The following AGFG1 variants were observed in gnomAD, a reference collection of about 807,000 sequenced individuals.
The protein encoded by AGFG1 is arf-GAP domain and FG repeat-containing protein 1.
A neutral mutation model predicts 60.6 loss-of-function variants in AGFG1; 10 were observed. The ratio of observed to expected loss-of-function variants is 0.16; its 90% CI spans 0.10 to 0.28. The LOEUF is 0.28. Among genes scored for constraint, AGFG1 ranks in the 10% least tolerant of loss-of-function variants. The pLI is 1.00. For missense variants in AGFG1, 537 were observed against 676.5 expected (o/e 0.79, Z 2.29); for synonymous variants, 247 against 242.9 (o/e 1.02, Z -0.16).
intron 1 of AGFG1, among the ~76,000 whole-genome samples, chr2:227,475,441 G>A (rs941456641): frequency 3.3e-5 from 5 of 152,210 alleles, no homozygotes; most frequent in Admixed American, 1.3e-4. Context: ...AGGGAATGAA[G>A]ACTAGAGTGG....
chr2:227,483,371 A>G (rs1320577710), intron 1 of AGFG1, among the ~76,000 whole-genome samples: 1 of 152,186 alleles, frequency 6.6e-6, no homozygotes, highest in Non-Finnish European at 1.5e-5. Flanking sequence ...ATTTCTTGAC[A>G]TACGTTATAA....
intron 1 of AGFG1, among the ~76,000 whole-genome samples, chr2:227,477,960 C>T (rs1194109649): frequency 1.3e-5 from 2 of 151,948 alleles, no homozygotes; most frequent in Non-Finnish European, 2.9e-5. Flanking sequence ...ATGGCTGTGT[C>T]ATGCTTTTTA....
intron 1 of AGFG1, among the ~76,000 whole-genome samples, chr2:227,482,848 C>T (rs1244558215): frequency 6.6e-6 from 1 of 152,166 alleles, no homozygotes; most frequent in Non-Finnish European, 1.5e-5. Context: ...ACTAAATCTC[C>T]TGGGGATCTG....
At chr2:227,501,966 C>T (rs1691170432) in intron 2 of AGFG1, among the ~76,000 whole-genome samples, 1 of 152,120 alleles carries the variant, frequency 6.6e-6, no homozygotes, top group South Asian at 2.1e-4. Context: ...TTAAGCAGTT[C>T]TCCCACCTTA....
rs1172179823 is a variant in AGFG1 at position 227,557,553 on chromosome 2, T to C, written c.*3058T>C. On this transcript the variant is annotated 3_prime_UTR_variant, in exon 13 of 13. Transcript: ENST00000310078. ...GATGTAGCTTGTATCTCTGAGAATT[T>C]ATTGTATTAAAATTAATACTGAGAT... The C allele has an allele frequency of 6.6e-6, 1 of 151,816 alleles. No individual in the cohort carries two copies. Among genetic ancestry groups the C allele is most frequent in the Admixed American group, 6.6e-5 (1 of 15,190 alleles). The allele number at this position is 151,816 out of a possible 1,614,324, so 9.4% of individuals were successfully genotyped here.
rs1692177796 is a variant in AGFG1, at chr2:227,532,027, T to G, written c.814+817T>G. 5 of 796,924 alleles carry G rather than the reference T, an allele frequency of 6.3e-6. No individual in the cohort carries two copies. In the South Asian group the frequency reaches 6.4e-5, roughly 10 times the overall value. 49.4% of individuals were successfully genotyped at this position (796,924 alleles called of 1,614,324 possible). A position where few individuals can be genotyped will look rare whatever the true frequency, so the allele number is the denominator to read the frequency against. On this transcript the variant is annotated intron_variant, in intron 6 of 12. Transcript: ENST00000310078. ...ACCCTTATTTAGATTTTTGGCTGATTACTTTTCTTTCAACTTTTAACTCTG... is the reference window on the plus strand; with the variant it reads ...ACCCTTATTTAGATTTTTGGCTGATGACTTTTCTTTCAACTTTTAACTCTG...
intron 2 of AGFG1, among the ~76,000 whole-genome samples, chr2:227,501,797 T>C (rs764184176): frequency 2.6e-5 from 4 of 152,234 alleles, no homozygotes; most frequent in Non-Finnish European, 4.4e-5. Context: ...AGGCACTGTT[T>C]TGTTTTTTTA....
intron 2 of AGFG1, among the ~76,000 whole-genome samples, chr2:227,497,635 A>G (rs562879497): frequency 6.6e-6 from 1 of 151,602 alleles, no homozygotes; most frequent in African/African-American, 2.4e-5. Context: ...TCAAGACATT[A>G]TAGACATCTC....
chr2:227,483,061 G>C (rs768833635), intron 1 of AGFG1, among the ~76,000 whole-genome samples: 1 of 150,322 alleles, frequency 6.7e-6, no homozygotes, highest in Non-Finnish European at 1.5e-5. Context: ...TTCAGTATTG[G>C]CCCCATGAAA....
In AGFG1 at chr2:227,531,361, CT is replaced by C. The variant is rs780146831; in HGVS notation, c.814+154del. ...CAAAAGCTCTGGGGAAACCTGAACT[CT>C]TTATTTTTTTCTATGTTCATTTGTT... On this transcript the variant is annotated intron_variant, in intron 6 of 12. Transcript: ENST00000310078. 39 of 929,664 alleles carry C rather than the reference CT, an allele frequency of 4.2e-5. No homozygotes were observed. In the East Asian group the frequency reaches 1.0e-3, roughly 25 times the overall value. The allele number at this position is 929,664 out of a possible 1,614,324, so 57.6% of individuals were successfully genotyped here.
intron 2 of AGFG1, among the ~76,000 whole-genome samples, chr2:227,512,809 A>G (rs1691534803): frequency 6.6e-6 from 1 of 152,192 alleles, no homozygotes; most frequent in Admixed American, 6.5e-5. Context: ...CTGTGATTAT[A>G]TCTTACATAC....
At chr2:227,472,720 C>T in intron 1 of AGFG1, 132 bp downstream of exon 1, 1 of 1,055,202 alleles carries the variant, frequency 9.5e-7, no homozygotes, top group South Asian at 2.7e-5. Context: ...GGCCGTTGGG[C>T]GCCGGCTGGC....
At chr2:227,531,361 C>G in intron 6 of AGFG1, 151 bp downstream of exon 6, 2 of 929,664 alleles carry the variant, frequency 2.2e-6, no homozygotes, top group East Asian at 2.7e-5. Flanking sequence ...AACCTGAACT[C>G]TTTATTTTTT....
At chr2:227,512,543 T>TA (rs1285098660) in intron 2 of AGFG1, among the ~76,000 whole-genome samples, 6 of 152,240 alleles carry the variant, frequency 3.9e-5, no homozygotes, top group Non-Finnish European at 8.8e-5. Context: ...TATTTGAGAT[T>TA]ATTTCTCTGA....
At chr2:227,480,970 A>T (rs1053316315) in intron 1 of AGFG1, among the ~76,000 whole-genome samples, 6 of 151,912 alleles carry the variant, frequency 3.9e-5, no homozygotes, top group Non-Finnish European at 7.4e-5. Context: ...TGCTATTCTT[A>T]TTACTGAGTC....
At chr2:227,476,594 A>T (rs1274006873) in intron 1 of AGFG1, among the ~76,000 whole-genome samples, 4 of 152,318 alleles carry the variant, frequency 2.6e-5, no homozygotes, top group African/African-American at 9.6e-5. Context: ...GCTGGATAGT[A>T]ACTTATATTC....
At chr2:227,553,489 A>T (rs962555347) in intron 11 of AGFG1, among the ~76,000 whole-genome samples, 2 of 116,532 alleles carry the variant, frequency 1.7e-5, no homozygotes, top group South Asian at 6.9e-4. Flanking sequence ...GAGTGAGATC[A>T]TGTCTCAAAA....
chr2:227,493,993 A>G (rs1690899922), intron 2 of AGFG1, among the ~76,000 whole-genome samples: 1 of 152,232 alleles, frequency 6.6e-6, no homozygotes, highest in Admixed American at 6.5e-5. Flanking sequence ...TACAAAAAGA[A>G]AAAGGGAAAC....
In AGFG1 at chr2:227,490,580, A is replaced by C. The variant is rs937132871; in HGVS notation, c.168-967A>C. On this transcript the variant is annotated intron_variant, in intron 1 of 12. Transcript: ENST00000310078. ...GCGACAGAGCGAGACTCCGTCTCAA[A>C]AAAAAAAAAAAAAATTACTGCAGTA... Among the ~76,000 whole-genome samples, 60 of 151,374 alleles carry C rather than the reference A, an allele frequency of 4.0e-4. 1 individual carries two copies. The highest frequency in any genetic ancestry group is 1.4e-3 in the African/African-American group (59 of 41,416).
Sources: allele counts gnomAD v4.1 joint callset (sites outside exome capture counted in the v4.1 genomes callset), GRCh38; gene constraint gnomAD v4.1.1; transcripts MANE v1.5; gene names NCBI Gene and HGNC (gene_info 2026-07-23, HGNC 2026-07-21).